UBE2D3: variants seen among roughly 807,000 people sequenced by gnomAD.
UBE2D3 encodes the protein ubiquitin conjugating enzyme E2 D3, also known as ubiquitin-conjugating enzyme E2 D3.
In UBE2D3, 2 loss-of-function variants were observed where a neutral mutation model predicts 22.8. The observed-to-expected ratio is 0.09, with a 90% CI of 0.04 to 0.28. The LOEUF (loss-of-function observed/expected upper bound fraction) is 0.28. Among genes scored for constraint, UBE2D3 ranks in the 10% least tolerant of loss-of-function variants. The pLI, the probability that UBE2D3 is intolerant of heterozygous loss-of-function variation, is 1.00. For synonymous variants in UBE2D3, 56 were observed against 60.4 expected, an observed-to-expected ratio of 0.93 and a Z score of 0.34; for missense variants, 27 against 182.5, an observed-to-expected ratio of 0.15 and a Z score of 4.91.
At chr4:102,798,165 GTTA>G (rs1156642906) in intron 7 of UBE2D3, among the ~76,000 whole-genome samples, 1 of 150,910 alleles carries the variant, frequency 6.6e-6, no homozygotes, top group African/African-American at 2.4e-5. Context: ...CACAAGCAAG[GTTA>G]TTACTCAGGA....
chr4:102,860,419 G>A (rs1205610622), intron 1 of UBE2D3, among the ~76,000 whole-genome samples: 2 of 89,492 alleles, frequency 2.2e-5, no homozygotes, highest in African/African-American at 4.4e-5. Context: ...GTGTGTGTGT[G>A]TGTATGTGTG....
At chr4:102,799,203 T>C (rs1037045031) in intron 7 of UBE2D3, among the ~76,000 whole-genome samples, 5 of 151,656 alleles carry the variant, frequency 3.3e-5, no homozygotes, top group Non-Finnish European at 5.9e-5. Flanking sequence ...AAAACAACAA[T>C]AAAACATTTT....
intron 2 of UBE2D3, among the ~76,000 whole-genome samples, chr4:102,813,403 TTTG>T (rs1215989735): frequency 6.6e-6 from 1 of 152,162 alleles, no homozygotes; most frequent in Admixed American, 6.5e-5. Flanking sequence ...AACAATGAAT[TTTG>T]TTGATTGACT....
intron 1 of UBE2D3, among the ~76,000 whole-genome samples, chr4:102,861,772 G>C (rs1732911104): frequency 1.3e-5 from 2 of 152,020 alleles, no homozygotes; most frequent in Admixed American, 1.3e-4. Flanking sequence ...ATACAATTAT[G>C]TATATCATAT....
chr4:102,797,346 T>C lies in UBE2D3; in HGVS notation c.*69A>G. On this transcript the variant is annotated 3_prime_UTR_variant, in exon 8 of 8. Coordinates refer to ENST00000453744, the MANE Select transcript of UBE2D3 (RefSeq NM_181891.3). ...ATAGGGGAGCAGCCGGATAAGAAAA[T>C]CAAAAAAGGAACAGTAATTTAAAGT... The C allele has an allele frequency of 3.6e-6, 5 of 1,383,148 alleles. No individual in the cohort carries two copies. The highest frequency in any genetic ancestry group is 5.0e-6 in the Non-Finnish European group (5 of 1,004,424). 85.7% of individuals were successfully genotyped at this position (1,383,148 alleles called of 1,614,324 possible). A position where few individuals can be genotyped will look rare whatever the true frequency, so the allele number is the denominator to read the frequency against.
chr4:102,868,009 C>T (rs1189734069), intron 1 of UBE2D3, among the ~76,000 whole-genome samples: 1 of 151,752 alleles, frequency 6.6e-6, no homozygotes, highest in Non-Finnish European at 1.5e-5. Flanking sequence ...ATAAGGACCC[C>T]CTGCGCTAGA....
chr4:102,860,196 G>A (rs1732819377), intron 1 of UBE2D3, among the ~76,000 whole-genome samples: 1 of 148,934 alleles, frequency 6.7e-6, no homozygotes, highest in African/African-American at 2.4e-5. Context: ...ATTTGTTCAT[G>A]TATTGTTTTC....
intron 1 of UBE2D3, among the ~76,000 whole-genome samples, chr4:102,852,525 G>C (rs138852043): frequency 0.015 from 2,346 of 152,222 alleles, 27 homozygotes; most frequent in Non-Finnish European, 0.024. Context: ...TTGAGATCCT[G>C]CACTTTTCTC....
intron 2 of UBE2D3, chr4:102,811,661 G>A (rs188301048): frequency 9.8e-5 from 35 of 356,174 alleles, no homozygotes; most frequent in Non-Finnish European, 1.4e-4. Flanking sequence ...AAAAGAGTGA[G>A]ACTGTCTCAA....
At chr4:102,856,101 C>T (rs1732605384) in intron 1 of UBE2D3, among the ~76,000 whole-genome samples, 1 of 152,220 alleles carries the variant, frequency 6.6e-6, no homozygotes, top group South Asian at 2.1e-4. Context: ...CATGGTGGCT[C>T]ATGCCTGTAC....
At chr4:102,801,905 A>T (rs1282683508) in intron 5 of UBE2D3, 1 of 171,012 alleles carries the variant, frequency 5.8e-6, no homozygotes. Flanking sequence ...AGACCATCTC[A>T]TTTAAAGTTT....
chr4:102,801,359 A>G, intron 6 of UBE2D3, 95 bp downstream of exon 6: 1 of 1,097,076 alleles, frequency 9.1e-7, no homozygotes, highest in Non-Finnish European at 1.3e-6. Context: ...ATCTCTTACC[A>G]AAAAGCTGCC....
At chr4:102,849,959 T>C (rs1732257545) in intron 1 of UBE2D3, among the ~76,000 whole-genome samples, 1 of 152,162 alleles carries the variant, frequency 6.6e-6, no homozygotes, top group Non-Finnish European at 1.5e-5. Context: ...TCAACAGAAA[T>C]GTCTTCACTT....
intron 1 of UBE2D3, among the ~76,000 whole-genome samples, chr4:102,850,826 C>G (rs1732304532): frequency 6.6e-6 from 1 of 151,840 alleles, no homozygotes; most frequent in South Asian, 2.1e-4. Context: ...TGAAGTAACT[C>G]AGGAATGGAA....
chr4:102,825,852 G>C (rs1730380439), intron 2 of UBE2D3: 2 of 448,826 alleles, frequency 4.5e-6, no homozygotes, highest in Admixed American at 2.5e-5. Flanking sequence ...CGGGTGAAAA[G>C]CTGCAACTAC....
Position 102,823,851 on chromosome 4 carries a change from C to G in UBE2D3, c.24+2634G>C, listed in dbSNP as rs547841004. Among the ~76,000 whole-genome samples, 3 of 152,296 alleles carry G rather than the reference C, an allele frequency of 2.0e-5. 1 individual carries two copies. In the South Asian group the frequency reaches 6.2e-4, roughly 32 times the overall value. On this transcript the variant is annotated intron_variant, in intron 2 of 7. Transcript: ENST00000453744. ...TAAAGGTTAAAACTATTCCAATAAT[C>G]ATTTCAGTAAAATATTAACGAGGAA... is the stretch of plus-strand genomic sequence containing the variant.
intron 1 of UBE2D3, among the ~76,000 whole-genome samples, chr4:102,852,344 G>A (rs223356): frequency 0.58 from 88,041 of 152,040 alleles, 26,919 homozygotes; most frequent in African/African-American, 0.79. Context: ...TGTCATTACT[G>A]TTTTGACCTG....
chr4:102,837,582 G>A (rs1304095776), intron 1 of UBE2D3, among the ~76,000 whole-genome samples: 1 of 152,184 alleles, frequency 6.6e-6, no homozygotes, highest in Non-Finnish European at 1.5e-5. Flanking sequence ...CAGCATTTTG[G>A]GAGGCTGAGG....
chr4:102,834,369 A>C (rs1325771025), intron 1 of UBE2D3, among the ~76,000 whole-genome samples: 1 of 152,170 alleles, frequency 6.6e-6, no homozygotes, highest in Non-Finnish European at 1.5e-5. Context: ...AAAGGATTAA[A>C]AAACTCTCAT....
Sources: allele counts gnomAD v4.1 joint callset (sites outside exome capture counted in the v4.1 genomes callset), GRCh38; gene constraint gnomAD v4.1.1; transcripts MANE v1.5; gene names NCBI Gene and HGNC (gene_info 2026-07-23, HGNC 2026-07-21).